DISC1: variants seen among roughly 807,000 people sequenced by gnomAD.
The protein encoded by DISC1 is disrupted in schizophrenia 1 protein.
Under a neutral mutation model 84.5 loss-of-function variants are expected in DISC1, and 57 were observed. The ratio of observed to expected loss-of-function variants is 0.67; its 90% confidence interval spans 0.55 to 0.84. The LOEUF (loss-of-function observed/expected upper bound fraction) is 0.84, where lower values mean the gene tolerates loss of function less well. DISC1 is among the 40% of genes least tolerant of loss of function. DISC1 has a pLI of 0.00. For synonymous variants in DISC1, 411 were observed against 415.2 expected, an observed-to-expected ratio of 0.99 and a Z score of 0.12; for missense variants, 1,000 against 1,057.8, an observed-to-expected ratio of 0.95 and a Z score of 0.76.
intron 10 of DISC1, among the ~76,000 whole-genome samples, chr1:231,973,336 G>A (rs1296501706): frequency 6.6e-6 from 1 of 152,006 alleles, no homozygotes; most frequent in Non-Finnish European, 1.5e-5. Flanking sequence ...GTGAGCCACC[G>A]CACCCGGCCG....
chr1:231,832,741 G>A (rs2082332345), intron 9 of DISC1, among the ~76,000 whole-genome samples: 1 of 146,308 alleles, frequency 6.8e-6, no homozygotes, highest in South Asian at 2.2e-4. Flanking sequence ...GAGGATAGGA[G>A]AGTATATGGG....
In DISC1 at chr1:231,897,822, G is replaced by GT. The variant is rs577252634; in HGVS notation, c.1982-60999dup. ...TTAAGCTAGGGATGTTTTATTTTAG[G>GT]TTTTTTTCTTAAAATCAGAGAAAAT... On this transcript the variant is annotated intron_variant, in intron 9 of 12. Coordinates refer to ENST00000439617, the MANE Select transcript of DISC1 (RefSeq NM_018662.3). This position sits in a 1 kb window ranked among gnomAD's most constrained non-coding sequence, Gnocchi z 4.5. 5.3e-5 allele frequency among the ~76,000 whole-genome samples: 8 copies of GT among 152,050 alleles called. No homozygotes were observed. Among genetic ancestry groups the GT allele is most frequent in the Non-Finnish European group, 8.8e-5 (6 of 67,998 alleles).
intron 11 of DISC1, among the ~76,000 whole-genome samples, chr1:232,024,719 A>G (rs1270336007): frequency 6.6e-6 from 1 of 151,542 alleles, no homozygotes; most frequent in Non-Finnish European, 1.5e-5. Flanking sequence ...CAGCCTCCTG[A>G]GTGGCTGGGA....
intron 3 of DISC1, among the ~76,000 whole-genome samples, chr1:231,725,120 G>T (rs200883383): frequency 6.6e-6 from 1 of 152,064 alleles, no homozygotes; most frequent in Non-Finnish European, 1.5e-5. Context: ...GTCAGCCCTC[G>T]CTGTGCAGCA....
At chr1:231,795,139 C>T in intron 6 of DISC1, 103 bp from the exon 7 acceptor site, 1 of 1,100,464 alleles carries the variant, frequency 9.1e-7, no homozygotes. Flanking sequence ...ACTTCTTCGT[C>T]CATCAGACCA....
intron 4 of DISC1, 135 bp downstream of exon 4, chr1:231,750,211 T>G (rs2074464188): frequency 1.4e-6 from 2 of 1,452,242 alleles, no homozygotes; most frequent in Non-Finnish European, 1.8e-6. Context: ...CTTTGTTGGT[T>G]GGGAAGGTGG....
chr1:231,814,210 C>G lies in DISC1; in HGVS notation c.1793-4119C>G, dbSNP rs138124034. Among the ~76,000 whole-genome samples the G allele has an allele frequency of 1.7e-3, 263 of 152,274 alleles. 2 individuals carry two copies. The highest frequency in any genetic ancestry group is 6.1e-3 in the African/African-American group (252 of 41,550). On this transcript the variant is annotated intron_variant, in intron 8 of 12. Coordinates refer to ENST00000439617, the MANE Select transcript of DISC1 (RefSeq NM_018662.3). Reference sequence around the variant, plus strand: ...AAAGGAAGTGTTCTGGGGTGATGTTCGAGTTGGAAACTTGCCCTATGCTTT... The same window carrying G: ...AAAGGAAGTGTTCTGGGGTGATGTTGGAGTTGGAAACTTGCCCTATGCTTT...
At chr1:231,701,554 C>T (rs1361825434) in intron 2 of DISC1, among the ~76,000 whole-genome samples, 1 of 152,188 alleles carries the variant, frequency 6.6e-6, no homozygotes, top group Non-Finnish European at 1.5e-5. Context: ...AGTTCATGCT[C>T]TTTTTCTCTT....
chr1:231,958,522 T>G (rs1363496458), intron 9 of DISC1, among the ~76,000 whole-genome samples: 2 of 152,222 alleles, frequency 1.3e-5, no homozygotes, highest in African/African-American at 2.4e-5. Flanking sequence ...AGGTAAGAGA[T>G]AGAGCACATG....
intron 9 of DISC1, among the ~76,000 whole-genome samples, chr1:231,937,161 T>C (rs1182919534): frequency 6.6e-6 from 1 of 152,230 alleles, no homozygotes; most frequent in Non-Finnish European, 1.5e-5. Flanking sequence ...TTTTATTATA[T>C]AGTTGAGCCA....
intron 9 of DISC1, among the ~76,000 whole-genome samples, chr1:231,950,204 C>CTGTGTGTGTG (rs59801477): frequency 0.064 from 8,859 of 139,414 alleles, 386 homozygotes; most frequent in East Asian, 0.14. Flanking sequence ...AAAAAAAATT[C>CTGTGTGTGTG]TGTGTGTGTG....
chr1:231,774,823 A>G (rs1472649878), intron 6 of DISC1: 1 of 450,718 alleles, frequency 2.2e-6, no homozygotes, highest in East Asian at 7.0e-5. Context: ...AACAGGTCAG[A>G]GAGATTGCTT....
chr1:231,811,697 A>C lies in DISC1; in HGVS notation c.1793-6632A>C, dbSNP rs185391640. ...GGCAGGTGAAAGGGACCATGTGGGC[A>C]CAGGATTCATCCCCCTCACCATGTG... On this transcript the variant is annotated intron_variant, in intron 8 of 12. Coordinates refer to ENST00000439617, the MANE Select transcript of DISC1 (RefSeq NM_018662.3). 1.8e-3 allele frequency among the ~76,000 whole-genome samples: 278 copies of C among 152,328 alleles called. 2 individuals carry two copies. The highest frequency in any genetic ancestry group is 6.3e-3 in the African/African-American group (260 of 41,584).
chr1:231,642,611 C>A (rs2059818680), intron 1 of DISC1, among the ~76,000 whole-genome samples: 3 of 149,868 alleles, frequency 2.0e-5, no homozygotes, highest in South Asian at 2.1e-4. Flanking sequence ...CCCAGTAAAT[C>A]TTTTTTTTTT....
In DISC1 at chr1:231,811,605, A is replaced by G. The variant is rs376578624; in HGVS notation, c.1793-6724A>G. 6.6e-5 allele frequency among the ~76,000 whole-genome samples: 10 copies of G among 152,214 alleles called. No individual in the cohort carries two copies. The East Asian group carries it at 1.2e-3, about 18-fold the overall frequency. ...TCTTAGGAGGATCGTTACAAACTGAAATGTCCATGAGTTCAGGAAAGTGCC... is the reference window on the plus strand; with the variant it reads ...TCTTAGGAGGATCGTTACAAACTGAGATGTCCATGAGTTCAGGAAAGTGCC... On this transcript the variant is annotated intron_variant, in intron 8 of 12. Transcript: ENST00000439617.
rs2125497275 is a variant in DISC1 at position 231,675,272 on chromosome 1, A to T, written c.68-18554A>T. Among the ~76,000 whole-genome samples the T allele has an allele frequency of 6.6e-6, 1 of 151,680 alleles. No homozygotes were observed. Among genetic ancestry groups the T allele is most frequent in the East Asian group, 2.0e-4 (1 of 5,126 alleles). On this transcript the variant is annotated intron_variant, in intron 1 of 12. Transcript: ENST00000439617. The surrounding 1 kb of genome is among the most constrained non-coding windows in gnomAD (Gnocchi z 4.1). ...TCTTGGTGGATCCTGCCGGAATGAC[A>T]CATCTTTTTGCTTTGGGATGATTGC... is the stretch of plus-strand genomic sequence containing the variant.
chr1:231,918,043 G>A (rs1025321367), intron 9 of DISC1, among the ~76,000 whole-genome samples: 3 of 152,234 alleles, frequency 2.0e-5, no homozygotes, highest in Non-Finnish European at 4.4e-5. Context: ...AACATCTGAT[G>A]CATGTTCATG....
intron 9 of DISC1, among the ~76,000 whole-genome samples, chr1:231,847,293 C>A (rs191729342): frequency 6.6e-6 from 1 of 152,094 alleles, no homozygotes; most frequent in Non-Finnish European, 1.5e-5. Context: ...TAGGGCTCAA[C>A]CTCTTGACCT....
At chr1:231,853,051 CA>C (rs2084011242) in intron 9 of DISC1, among the ~76,000 whole-genome samples, 2 of 152,252 alleles carry the variant, frequency 1.3e-5, no homozygotes, top group African/African-American at 4.8e-5. Context: ...GATTTTTAAA[CA>C]GAACCAAATG....
Sources: gnomAD v4.1 joint callset for allele counts (sites outside exome capture counted in the v4.1 genomes callset) on GRCh38, gnomAD v4.1.1 for gene constraint, Gnocchi (gnomAD v3.1) non-coding constraint, MANE v1.5 for transcripts, NCBI Gene and HGNC (gene_info 2026-07-23, HGNC 2026-07-21) for gene names.